Variants in COL9A1 observed in about 807,000 individuals in gnomAD.
COL9A1 encodes collagen alpha-1(IX) chain.
Under a neutral mutation model 142.6 loss-of-function variants are expected in COL9A1, and 104 were observed. That is an observed-to-expected ratio of 0.73 (90% CI 0.62 to 0.86). The LOEUF is 0.86. COL9A1 is among the 40% of genes least tolerant of loss of function. COL9A1 has a pLI of 0.00. For synonymous variants in COL9A1, 466 were observed against 396.0 expected, an observed-to-expected ratio of 1.18 and a Z score of -2.10; for missense variants, 1,210 against 1,176.6, an observed-to-expected ratio of 1.03 and a Z score of -0.42.
At chr6:70,226,639 TTAAA>T (rs1769247336) in intron 36 of COL9A1, among the ~76,000 whole-genome samples, 1 of 151,912 alleles carries the variant, frequency 6.6e-6, no homozygotes, top group South Asian at 2.1e-4. Flanking sequence ...AATTAAAATA[TTAAA>T]TAACGAGGAA....
In COL9A1 at chr6:70,283,609, G is replaced by A. The variant is rs111581642; in HGVS notation, c.780+128C>T. 121 of 775,906 alleles carry A rather than the reference G, an allele frequency of 1.6e-4. 1 individual carries two copies. In the African/African-American group the frequency reaches 1.7e-3, roughly 11 times the overall value. 48.1% of individuals were successfully genotyped at this position (775,906 alleles called of 1,614,324 possible). The stretch of plus-strand genomic sequence containing the variant: ...ATATTTCTCTAGTCAGTACAGCAAA[G>A]CACAGGCTCTCTTAGCGAAAGAGAG... On this transcript the variant is annotated intron_variant, in intron 6 of 37. Coordinates refer to ENST00000357250, the MANE Select transcript of COL9A1 (RefSeq NM_001851.6).
At chr6:70,257,630 C>G (rs545869513) in intron 20 of COL9A1, among the ~76,000 whole-genome samples, 10 of 152,190 alleles carry the variant, frequency 6.6e-5, no homozygotes, top group Admixed American at 5.2e-4. Context: ...GCCTGTAATC[C>G]CAGCTACTCA....
At chr6:70,223,503 T>C (rs909532852) in intron 37 of COL9A1, among the ~76,000 whole-genome samples, 6 of 152,306 alleles carry the variant, frequency 3.9e-5, no homozygotes, top group Admixed American at 3.9e-4. Context: ...TAGATGCCAC[T>C]CTTCAAACAG....
At chr6:70,219,510 C>T (rs765371389) in intron 37 of COL9A1, among the ~76,000 whole-genome samples, 1 of 152,156 alleles carries the variant, frequency 6.6e-6, no homozygotes, top group Non-Finnish European at 1.5e-5. Flanking sequence ...TTTGCTGATC[C>T]CTGATGTTAT....
intron 36 of COL9A1, among the ~76,000 whole-genome samples, chr6:70,232,120 A>G (rs1355902259): frequency 6.6e-6 from 1 of 152,252 alleles, no homozygotes; most frequent in Non-Finnish European, 1.5e-5. Flanking sequence ...AGAGGGAGGC[A>G]GCTCTAATGC....
At chr6:70,221,058 C>T (rs754695971) in intron 37 of COL9A1, among the ~76,000 whole-genome samples, 48 of 151,400 alleles carry the variant, frequency 3.2e-4, no homozygotes, top group Admixed American at 6.6e-4. Flanking sequence ...TATTATATGT[C>T]AATTAAAATA....
At chr6:70,239,149 A>G (rs1770092012) in intron 33 of COL9A1, 105 bp downstream of exon 33, 1 of 836,580 alleles carries the variant, frequency 1.2e-6, no homozygotes. Context: ...AAAAAAAAAA[A>G]GAATTGAATG....
At chr6:70,234,214 A>G (rs1769739339) in intron 35 of COL9A1, among the ~76,000 whole-genome samples, 1 of 148,936 alleles carries the variant, frequency 6.7e-6, no homozygotes, top group African/African-American at 2.4e-5. Context: ...ACAACTAAGA[A>G]TTTGTGTTCC....
chr6:70,280,516 T>G, intron 10 of COL9A1: 1 of 1,358,718 alleles, frequency 7.4e-7, no homozygotes, highest in Non-Finnish European at 9.5e-7. Context: ...GGGCTGAGAG[T>G]TCACAGCGTG....
intron 28 of COL9A1, chr6:70,246,036 C>A (rs1770585072): frequency 6.6e-6 from 1 of 152,232 alleles, no homozygotes; most frequent in Non-Finnish European, 1.5e-5. Flanking sequence ...ACGTCCCCAA[C>A]AAATTGAGAC....
intron 11 of COL9A1, among the ~76,000 whole-genome samples, chr6:70,274,330 C>T (rs1235671426): frequency 6.6e-6 from 1 of 152,118 alleles, no homozygotes; most frequent in African/African-American, 2.4e-5. Flanking sequence ...CTGGCATCCA[C>T]TAGCTATTCT....
intron 36 of COL9A1, 94 bp downstream of exon 36, chr6:70,232,489 G>C: frequency 7.2e-7 from 1 of 1,382,114 alleles, no homozygotes; most frequent in African/African-American, 1.4e-5. Flanking sequence ...TGGATATTCA[G>C]AAATTGGTAA....
intron 29 of COL9A1, 196 bp from the exon 30 acceptor site, chr6:70,242,231 C>G (rs919107479): frequency 6.2e-6 from 4 of 648,216 alleles, no homozygotes; most frequent in Admixed American, 2.1e-5. Flanking sequence ...CCAGCCTTCA[C>G]TCCACCCTAA....
chr6:70,245,309 A>G (rs1028423186), intron 28 of COL9A1, among the ~76,000 whole-genome samples: 12 of 152,204 alleles, frequency 7.9e-5, no homozygotes, highest in Non-Finnish European at 1.5e-4. Context: ...CTCTGAAAAC[A>G]TAGACTAAAC....
intron 31 of COL9A1, among the ~76,000 whole-genome samples, chr6:70,240,940 C>G (rs190303659): frequency 6.6e-6 from 1 of 152,160 alleles, no homozygotes; most frequent in African/African-American, 2.4e-5. Context: ...GAAGGTGAGG[C>G]TGAGTTTCAG....
At chr6:70,262,654 T>C (rs1771765803) in intron 19 of COL9A1, among the ~76,000 whole-genome samples, 1 of 152,210 alleles carries the variant, frequency 6.6e-6, no homozygotes, top group Non-Finnish European at 1.5e-5. Flanking sequence ...TCCATTTTAA[T>C]GTAATACAAA....
intron 18 of COL9A1, among the ~76,000 whole-genome samples, chr6:70,263,728 A>G (rs1419557545): frequency 6.6e-6 from 1 of 151,972 alleles, no homozygotes; most frequent in Non-Finnish European, 1.5e-5. Context: ...GTAAGCTACA[A>G]TATTTTTCAT....
chr6:70,267,319 G>GTTTTTTTTTTTTTTTTTTTTTTTTTTT lies in COL9A1; in HGVS notation c.1288-550_1288-549insAAAAAAAAAAAAAAAAAAAAAAAAAAA, dbSNP rs1050364230. 4.0e-5 allele frequency among the ~76,000 whole-genome samples: 4 copies of GTTTTTTTTTTTTTTTTTTTTTTTTTTT among 99,688 alleles called. 1 individual carries two copies. Among genetic ancestry groups the GTTTTTTTTTTTTTTTTTTTTTTTTTTT allele is most frequent in the South Asian group, 5.7e-4 (2 of 3,518 alleles). 65.4% of individuals were successfully genotyped at this position (99,688 alleles called of 152,430 possible). A position where few individuals can be genotyped will look rare whatever the true frequency, so the allele number is the denominator to read the frequency against. Reference sequence around the variant, plus strand: ...TACATTTTTTGTTGTTGTTTGTTTGGTTTTTTTGTTTTTTTTTTTTGAGAT... The same window carrying GTTTTTTTTTTTTTTTTTTTTTTTTTTT: ...TACATTTTTTGTTGTTGTTTGTTTGGTTTTTTTTTTTTTTTTTTTTTTTTTTTTTTTTTTGTTTTTTTTTTTTGAGAT... On this transcript the variant is annotated intron_variant, in intron 17 of 37. Transcript: ENST00000357250.
chr6:70,227,476 C>G (rs1456073839), intron 36 of COL9A1, among the ~76,000 whole-genome samples: 11 of 123,464 alleles, frequency 8.9e-5, no homozygotes. Flanking sequence ...ATAAGATCGG[C>G]AAAAATTCCA....
Sources: allele counts gnomAD v4.1 joint callset (sites outside exome capture counted in the v4.1 genomes callset), GRCh38; gene constraint gnomAD v4.1.1; transcripts MANE v1.5; gene names NCBI Gene and HGNC (gene_info 2026-07-23, HGNC 2026-07-21).